Variants in RBMS3 observed in about 807,000 individuals in gnomAD.
RBMS3 encodes RNA binding motif single stranded interacting protein 3.
In RBMS3, 27 loss-of-function variants were observed where a neutral mutation model predicts 66.8. The ratio of observed to expected loss-of-function variants is 0.40; its 90% CI spans 0.30 to 0.56. The LOEUF is 0.56. RBMS3 is among the 20% of genes least tolerant of loss of function. RBMS3 has a pLI of 0.40. For missense variants in RBMS3, 513 were observed against 549.5 expected (o/e 0.93, Z 0.66); for synonymous variants, 188 against 183.0 (o/e 1.03, Z -0.22).
intron 10 of RBMS3, among the ~76,000 whole-genome samples, chr3:29,905,283 T>G (rs2060349513): frequency 6.6e-6 from 1 of 152,104 alleles, no homozygotes; most frequent in South Asian, 2.1e-4. Context: ...CTTTAGAGCA[T>G]CTGTATTCCA....
At chr3:29,317,651 TGAAA>T (rs2034764181) in intron 1 of RBMS3, among the ~76,000 whole-genome samples, 1 of 151,786 alleles carries the variant, frequency 6.6e-6, no homozygotes, top group African/African-American at 2.4e-5. Flanking sequence ...TTAAAAAATG[TGAAA>T]GAAATTGTGT....
chr3:29,992,710 T>A (rs1343875077), intron 14 of RBMS3, among the ~76,000 whole-genome samples: 1 of 151,632 alleles, frequency 6.6e-6, no homozygotes, highest in African/African-American at 2.4e-5. Context: ...ACAAGCCGAG[T>A]GAGGGGGTCA....
At chr3:29,451,427 G>A (rs1463793755) in intron 2 of RBMS3, among the ~76,000 whole-genome samples, 16 of 152,186 alleles carry the variant, frequency 1.1e-4, no homozygotes, top group Non-Finnish European at 4.4e-5. Context: ...AGATAGTAAA[G>A]GTAAAATTTG....
At position 29,602,382 on chromosome 3, in the gene RBMS3, G is replaced by A. The variant is rs74983860; in HGVS notation, c.399+15177G>A. Among the ~76,000 whole-genome samples, 1,033 of 152,070 alleles carry A rather than the reference G, an allele frequency of 6.8e-3. 29 individuals carry two copies. The highest frequency in any genetic ancestry group is 0.055 in the Admixed American group (830 of 15,228). ...AGGAAACCAGCTAATGGCTGATAACGTCCAGGAAATTAGTAACTTGTGCAT... is the reference window on the plus strand; with the variant it reads ...AGGAAACCAGCTAATGGCTGATAACATCCAGGAAATTAGTAACTTGTGCAT... On this transcript the variant is annotated intron_variant, in intron 4 of 14. Transcript: ENST00000383767.
At chr3:29,833,287 G>A (rs1157008179) in intron 6 of RBMS3, among the ~76,000 whole-genome samples, 1 of 152,026 alleles carries the variant, frequency 6.6e-6, no homozygotes, top group Non-Finnish European at 1.5e-5. Flanking sequence ...TACCATCAAA[G>A]GAGTACAATA....
intron 1 of RBMS3, among the ~76,000 whole-genome samples, chr3:29,431,697 C>T (rs531158330): frequency 5.3e-5 from 8 of 152,122 alleles, no homozygotes; most frequent in African/African-American, 1.7e-4. Context: ...TGTGTGTTTG[C>T]GTTGCACAAT....
At chr3:29,862,464 G>T (rs2059238848) in intron 6 of RBMS3, among the ~76,000 whole-genome samples, 1 of 152,106 alleles carries the variant, frequency 6.6e-6, no homozygotes, top group Non-Finnish European at 1.5e-5. Flanking sequence ...CTCAGACCTA[G>T]AAATAAATTA....
At chr3:29,739,458 G>GAAAAAA (rs56861996) in intron 4 of RBMS3, among the ~76,000 whole-genome samples, 19 of 129,344 alleles carry the variant, frequency 1.5e-4, no homozygotes, top group East Asian at 2.3e-4. Context: ...TCCGTCTCAA[G>GAAAAAA]AAAAAAAAAA....
chr3:29,283,678 C>T (rs554352293), intron 1 of RBMS3, among the ~76,000 whole-genome samples: 2 of 152,074 alleles, frequency 1.3e-5, no homozygotes, highest in South Asian at 2.1e-4. Context: ...ATCCATTAGG[C>T]GTCCTATGTT....
chr3:29,991,088 G>A lies in RBMS3; in HGVS notation c.1186G>A (p.Val396Ile). 2 of 1,614,116 alleles carry A rather than the reference G, an allele frequency of 1.2e-6. No homozygotes were observed. The highest frequency in any genetic ancestry group is 1.7e-6 in the Non-Finnish European group (2 of 1,180,020). Reference sequence around the variant, plus strand: ...TTCTTATTTGCCTCCTTAGGGTGTTGTTGCTGATACCTCTCCCCAGACAGT... The same window carrying A: ...TTCTTATTTGCCTCCTTAGGGTGTTATTGCTGATACCTCTCCCCAGACAGT... ...PPTAVSIEGV[V>I]ADTSPQTVAP... The change falls in exon 14 of 15, where the codon GTT (valine) becomes ATT (isoleucine). Residue 396 changes from valine to isoleucine, a missense_variant. Physicochemically the swap from Val to Ile is conservative, Grantham distance 29 (BLOSUM62 3). Transcript: ENST00000383767.
chr3:29,354,142 T>C (rs1422829267), intron 1 of RBMS3, among the ~76,000 whole-genome samples: 1 of 152,150 alleles, frequency 6.6e-6, no homozygotes, highest in Non-Finnish European at 1.5e-5. Context: ...ATTTATTGAT[T>C]AATTGTTGGT....
intron 7 of RBMS3, among the ~76,000 whole-genome samples, chr3:29,875,382 C>A (rs1434068464): frequency 6.6e-6 from 1 of 152,122 alleles, no homozygotes; most frequent in Non-Finnish European, 1.5e-5. Flanking sequence ...TTTCATCCTA[C>A]TTAACCATGT....
chr3:29,589,318 T>C (rs1051250124), intron 4 of RBMS3, among the ~76,000 whole-genome samples: 1 of 152,084 alleles, frequency 6.6e-6, no homozygotes, highest in Non-Finnish European at 1.5e-5. Context: ...GGGGAAATAT[T>C]TTAAAGACCT....
intron 5 of RBMS3, among the ~76,000 whole-genome samples, chr3:29,760,287 A>C (rs62237073): frequency 1.9e-4 from 27 of 145,566 alleles, no homozygotes; most frequent in Admixed American, 3.6e-4. Context: ...ACACACCCCT[A>C]CACACACACA....
At chr3:29,415,115 A>G (rs1248716946) in intron 1 of RBMS3, among the ~76,000 whole-genome samples, 5 of 152,206 alleles carry the variant, frequency 3.3e-5, no homozygotes, top group Admixed American at 1.3e-4. Flanking sequence ...CACATTTTTT[A>G]AAATATGAAT....
intron 12 of RBMS3, among the ~76,000 whole-genome samples, chr3:29,956,130 T>A (rs1184684849): frequency 6.6e-6 from 1 of 152,152 alleles, no homozygotes; most frequent in Non-Finnish European, 1.5e-5. Context: ...ATCTTCAAGC[T>A]ACTTTCCCAA....
intron 3 of RBMS3, among the ~76,000 whole-genome samples, chr3:29,562,310 C>T (rs1419315669): frequency 6.6e-6 from 1 of 152,138 alleles, no homozygotes; most frequent in Non-Finnish European, 1.5e-5. Context: ...CCCAGGCTTA[C>T]TGCTGCCCGA....
intron 4 of RBMS3, among the ~76,000 whole-genome samples, chr3:29,604,166 A>G (rs1040527108): frequency 2.0e-5 from 3 of 151,996 alleles, no homozygotes; most frequent in Admixed American, 2.0e-4. Context: ...TGGTTTTGCC[A>G]TTGCATTTTA....
At chr3:29,692,089 C>A (rs1027713388) in intron 4 of RBMS3, among the ~76,000 whole-genome samples, 1 of 151,468 alleles carries the variant, frequency 6.6e-6, no homozygotes, top group African/African-American at 2.4e-5. Flanking sequence ...TCAAGCAATT[C>A]TCCTGCCTCA....
Sources: gnomAD v4.1 joint callset for allele counts (sites outside exome capture counted in the v4.1 genomes callset) on GRCh38, gnomAD v4.1.1 for gene constraint, MANE v1.5 for transcripts, NCBI Gene and HGNC (gene_info 2026-07-23, HGNC 2026-07-21) for gene names.